MYO3A: variants seen among roughly 807,000 people sequenced by gnomAD.
MYO3A encodes myosin IIIA.
A neutral mutation model predicts 192.7 loss-of-function variants in MYO3A; 180 were observed. The observed-to-expected ratio is 0.93, with a 90% CI of 0.83 to 1.06. The LOEUF (loss-of-function observed/expected upper bound fraction) is 1.06, where lower values mean the gene tolerates loss of function less well. Ranked by LOEUF, MYO3A falls within the 50% of genes least tolerant of loss-of-function variation. The pLI is 0.00. For missense variants in MYO3A, 1,896 were observed against 1,905.0 expected (o/e 1.00, Z 0.09); for synonymous variants, 628 against 645.3 (o/e 0.97, Z 0.41).
chr10:26,208,764 C>A (rs1844092125), intron 34 of MYO3A, among the ~76,000 whole-genome samples: 1 of 152,124 alleles, frequency 6.6e-6, no homozygotes, highest in Non-Finnish European at 1.5e-5. Context: ...TTTTAATTCC[C>A]TATTCAGAAC....
chr10:26,138,259 T>C (rs1220186421), intron 20 of MYO3A, among the ~76,000 whole-genome samples: 1 of 152,214 alleles, frequency 6.6e-6, no homozygotes, highest in Non-Finnish European at 1.5e-5. Flanking sequence ...TTGTACTGTT[T>C]ATCTTTATTT....
At chr10:26,120,427 T>C (rs1344685606) in intron 17 of MYO3A, among the ~76,000 whole-genome samples, 1 of 152,242 alleles carries the variant, frequency 6.6e-6, no homozygotes, top group African/African-American at 2.4e-5. Flanking sequence ...TATTTTTTAT[T>C]CATATTTGCA....
rs372227099 is a variant in MYO3A at position 26,005,230 on chromosome 10, T to C, written c.508+7972T>C. ...AGACCTCAGCATCACTTCTGTGATG[T>C]TCCTGCCAAAAATAAAATCGTGAGG... is the stretch of plus-strand genomic sequence containing the variant. On this transcript the variant is annotated intron_variant, in intron 6 of 34. Coordinates refer to ENST00000642920, the MANE Select transcript of MYO3A (RefSeq NM_017433.5). Among the ~76,000 whole-genome samples, 3 of 152,228 alleles carry C rather than the reference T, an allele frequency of 2.0e-5. No individual in the cohort carries two copies. In the East Asian group the frequency reaches 5.8e-4, roughly 29 times the overall value.
At chr10:25,960,474 A>G (rs936354736) in intron 4 of MYO3A, among the ~76,000 whole-genome samples, 3 of 152,138 alleles carry the variant, frequency 2.0e-5, no homozygotes, top group Admixed American at 6.6e-5. Flanking sequence ...AAACTTAACT[A>G]CTAATAGTCT....
intron 6 of MYO3A, among the ~76,000 whole-genome samples, chr10:26,007,711 C>T (rs1317805914): frequency 6.0e-5 from 9 of 150,634 alleles, no homozygotes; most frequent in Non-Finnish European, 8.8e-5. Context: ...AACTACAAAC[C>T]ACTGCTCAAG....
chr10:26,017,247 C>T (rs894132990), intron 7 of MYO3A, among the ~76,000 whole-genome samples: 10 of 152,082 alleles, frequency 6.6e-5, no homozygotes, highest in Admixed American at 2.0e-4. Context: ...ATTATCGGAA[C>T]CCCTAGCCTT....
chr10:25,944,444 T>C (rs1308797261), intron 2 of MYO3A, among the ~76,000 whole-genome samples: 1 of 152,060 alleles, frequency 6.6e-6, no homozygotes, highest in African/African-American at 2.4e-5. Context: ...CTCTTTTTAA[T>C]ATTTTTGGAA....
At chr10:26,012,195 G>T (rs1330187300) in intron 6 of MYO3A, among the ~76,000 whole-genome samples, 1 of 152,064 alleles carries the variant, frequency 6.6e-6, no homozygotes, top group East Asian at 1.9e-4. Context: ...AACAAGACAA[G>T]TAGGCCCACT....
chr10:26,077,233 G>GTTATTTTTTTT (rs1835633535), intron 14 of MYO3A, among the ~76,000 whole-genome samples: 1 of 36,284 alleles, frequency 2.8e-5, no homozygotes, highest in Non-Finnish European at 5.3e-5. Flanking sequence ...TATTCCTAAG[G>GTTATTTTTTTT]TTTTTTTTTT....
chr10:26,173,587 GC>G, intron 29 of MYO3A, 75 bp from the exon 30 acceptor site: 1 of 1,363,850 alleles, frequency 7.3e-7, no homozygotes. Flanking sequence ...CCGGTATCTA[GC>G]ATATAACTAT....
chr10:26,029,696 T>A (rs1842722271), intron 10 of MYO3A, among the ~76,000 whole-genome samples: 1 of 152,226 alleles, frequency 6.6e-6, no homozygotes, highest in African/African-American at 2.4e-5. Flanking sequence ...TGGGGGAATG[T>A]AATTCCGCTT....
At chr10:26,176,259 A>C (rs1016431921) in intron 30 of MYO3A, among the ~76,000 whole-genome samples, 19 of 150,626 alleles carry the variant, frequency 1.3e-4, no homozygotes, top group Non-Finnish European at 2.5e-4. Flanking sequence ...GCACCACTGC[A>C]CTCCAGCCTG....
At chr10:26,133,789 T>C (rs962332743) in intron 20 of MYO3A, among the ~76,000 whole-genome samples, 3 of 152,178 alleles carry the variant, frequency 2.0e-5, no homozygotes, top group East Asian at 1.9e-4. Flanking sequence ...AAAAAGTAAT[T>C]CTCAGTGAAA....
intron 4 of MYO3A, among the ~76,000 whole-genome samples, chr10:25,992,544 A>G (rs1383730510): frequency 6.6e-6 from 1 of 152,160 alleles, no homozygotes; most frequent in Non-Finnish European, 1.5e-5. Context: ...TTCCAACACT[A>G]TGTTGAATAG....
intron 34 of MYO3A, among the ~76,000 whole-genome samples, chr10:26,206,710 A>G (rs1473698565): frequency 6.7e-6 from 1 of 149,552 alleles, no homozygotes; most frequent in Non-Finnish European, 1.5e-5. Context: ...CGGCCTCCCA[A>G]AGTGCTGGGA....
intron 6 of MYO3A, among the ~76,000 whole-genome samples, chr10:26,014,951 G>A (rs1439277757): frequency 6.6e-6 from 1 of 152,046 alleles, no homozygotes; most frequent in Non-Finnish European, 1.5e-5. Flanking sequence ...GATCCTAAGA[G>A]TTTTCTTGAC....
chr10:26,095,544 T>C (rs1836966024), intron 15 of MYO3A, among the ~76,000 whole-genome samples: 1 of 152,166 alleles, frequency 6.6e-6, no homozygotes. Context: ...CATCCTCTGC[T>C]GTTTCAGCAG....
chr10:26,089,129 A>G (rs138450061), intron 15 of MYO3A, among the ~76,000 whole-genome samples: 49 of 152,336 alleles, frequency 3.2e-4, no homozygotes, highest in Middle Eastern at 3.4e-3. Context: ...ACATTATTGT[A>G]GTAGTATGTC....
At chr10:26,053,830 A>G (rs1353503893) in intron 10 of MYO3A, among the ~76,000 whole-genome samples, 1 of 147,392 alleles carries the variant, frequency 6.8e-6, no homozygotes, top group Non-Finnish European at 1.5e-5. Context: ...GTTTCAAAAA[A>G]AGAAAAAGAA....
Sources: allele counts gnomAD v4.1 joint callset (sites outside exome capture counted in the v4.1 genomes callset), GRCh38; gene constraint gnomAD v4.1.1; transcripts MANE v1.5; gene names NCBI Gene and HGNC (gene_info 2026-07-23, HGNC 2026-07-21).